Variants in CAMSAP1 observed in about 807,000 individuals in gnomAD.
The protein encoded by CAMSAP1 is calmodulin regulated spectrin associated protein 1, also known as calmodulin-regulated spectrin-associated protein 1.
Under a neutral mutation model 143.5 loss-of-function variants are expected in CAMSAP1, and 58 were observed. That is an observed-to-expected ratio of 0.40 (90% CI 0.33 to 0.50). The LOEUF is 0.50. Ranked by LOEUF, CAMSAP1 falls within the 20% of genes least tolerant of loss-of-function variation. The pLI, the probability that CAMSAP1 is intolerant of heterozygous loss-of-function variation, is 0.45. For missense variants in CAMSAP1, 1,969 were observed against 2,115.7 expected (o/e 0.93, Z 1.36); for synonymous variants, 945 against 859.3 (o/e 1.10, Z -1.74).
rs774028626 is a variant in CAMSAP1, at chr9:135,818,638, A to ACACT, written c.3960-26_3960-23dup. 120 of 1,608,200 alleles carry ACACT rather than the reference A, an allele frequency of 7.5e-5. No individual in the cohort carries two copies. Among genetic ancestry groups the ACACT allele is most frequent in the Non-Finnish European group, 3.4e-6 (4 of 1,176,762 alleles). ...GCGCCTGAGAGAAACACACGCCCAGACACTGCTCGGTCACGGGGCTTCTTC... is the reference window on the plus strand; with the variant it reads ...GCGCCTGAGAGAAACACACGCCCAGACACTCACTGCTCGGTCACGGGGCTTCTTC... On this transcript the variant is annotated intron_variant, in intron 12 of 16. Coordinates refer to ENST00000389532, the MANE Select transcript of CAMSAP1 (RefSeq NM_015447.4). The surrounding 1 kb of genome is among the most constrained non-coding windows in gnomAD (Gnocchi z 7.7).
At chr9:135,827,324 G>T (rs1588450412) in intron 8 of CAMSAP1, 83 bp downstream of exon 8, 1 of 1,293,200 alleles carries the variant, frequency 7.7e-7, no homozygotes, top group Non-Finnish European at 1.0e-6. Flanking sequence ...TTTAAAAAAG[G>T]TAACTTCAAT....
intron 7 of CAMSAP1, among the ~76,000 whole-genome samples, chr9:135,847,053 T>C (rs943294734): frequency 6.6e-6 from 1 of 152,066 alleles, no homozygotes; most frequent in Non-Finnish European, 1.5e-5. Flanking sequence ...GGATTATAAA[T>C]CATCCTACTA....
intron 4 of CAMSAP1, chr9:135,865,500 T>C (rs1837343253): frequency 4.0e-6 from 3 of 748,122 alleles, no homozygotes; most frequent in East Asian, 2.7e-5. Flanking sequence ...CAAAGTCTTC[T>C]AAGTGTACGT....
intron 5 of CAMSAP1, among the ~76,000 whole-genome samples, chr9:135,856,528 G>A (rs561040750): frequency 9.2e-5 from 14 of 152,224 alleles, no homozygotes; most frequent in East Asian, 5.8e-4. Context: ...CTGTGGCCTC[G>A]GTAAGAGAAC....
chr9:135,888,564 T>C (rs1029594249), intron 1 of CAMSAP1, among the ~76,000 whole-genome samples: 4 of 152,104 alleles, frequency 2.6e-5, no homozygotes, highest in Non-Finnish European at 5.9e-5. Context: ...CTGTTGCTTG[T>C]CTGAGCCACC....
At chr9:135,905,144 C>G (rs1838737755) in intron 1 of CAMSAP1, among the ~76,000 whole-genome samples, 5 of 152,148 alleles carry the variant, frequency 3.3e-5, no homozygotes, top group African/African-American at 1.2e-4. Flanking sequence ...TTCCAGAACT[C>G]AAAAGCCCAT....
chr9:135,860,049 A>AAT (rs1554795197), intron 5 of CAMSAP1, among the ~76,000 whole-genome samples: 1 of 150,226 alleles, frequency 6.7e-6, no homozygotes, highest in Non-Finnish European at 1.5e-5. Context: ...CACAAAAAAA[A>AAT]AAAAAATAAA....
chr9:135,888,051 G>A (rs563655187), intron 1 of CAMSAP1, among the ~76,000 whole-genome samples: 11 of 152,238 alleles, frequency 7.2e-5, no homozygotes, highest in Admixed American at 2.6e-4. Context: ...GGCAACTGAC[G>A]GAGAGCAGGA....
At chr9:135,877,491 T>C (rs1268373836) in intron 3 of CAMSAP1, among the ~76,000 whole-genome samples, 3 of 135,564 alleles carry the variant, frequency 2.2e-5, no homozygotes, top group Non-Finnish European at 4.6e-5. Context: ...TCAGTAGAGC[T>C]GTCTTAAAAA....
rs185272015 is a variant in CAMSAP1, at chr9:135,903,035, A to C, written c.160+3965T>G. Among the ~76,000 whole-genome samples, 17 of 152,320 alleles carry C rather than the reference A, an allele frequency of 1.1e-4. No homozygotes were observed. In the East Asian group the frequency reaches 2.3e-3, roughly 21 times the overall value. On this transcript the variant is annotated intron_variant, in intron 1 of 16. Transcript: ENST00000389532. ...GGGTTGTTTTTTAACATTGTCCTTG[A>C]GAGATAATAAAAGCTTGCTCTCCAC...
chr9:135,833,302 C>T (rs1006875014), intron 7 of CAMSAP1, among the ~76,000 whole-genome samples: 1 of 151,988 alleles, frequency 6.6e-6, no homozygotes, highest in African/African-American at 2.4e-5. Context: ...GGGATGGTCT[C>T]GATCTCCTGA....
chr9:135,860,266 G>T (rs1316335682), intron 5 of CAMSAP1, among the ~76,000 whole-genome samples: 6 of 150,280 alleles, frequency 4.0e-5, no homozygotes, highest in South Asian at 2.1e-4. Context: ...AAAGCATCCA[G>T]AACTCAGCAG....
At chr9:135,850,070 G>C in intron 7 of CAMSAP1, 67 bp downstream of exon 7, 1 of 1,270,752 alleles carries the variant, frequency 7.9e-7, no homozygotes, top group Admixed American at 2.4e-5. Flanking sequence ...AACCACTGGA[G>C]AGTGCTTTCT....
intron 5 of CAMSAP1, among the ~76,000 whole-genome samples, chr9:135,851,298 C>G (rs1836775639): frequency 6.6e-6 from 1 of 152,122 alleles, no homozygotes; most frequent in South Asian, 2.1e-4. Flanking sequence ...AAGGAAAAAA[C>G]CATTTTCAAG....
intron 1 of CAMSAP1, among the ~76,000 whole-genome samples, chr9:135,883,842 A>C (rs1193908224): frequency 6.6e-6 from 1 of 152,220 alleles, no homozygotes; most frequent in Non-Finnish European, 1.5e-5. Context: ...GGAGGCAGAG[A>C]CCAGCCTGAA....
At position 135,809,576 on chromosome 9, in the gene CAMSAP1, C is replaced by A. The variant is rs1834967745; in HGVS notation, c.*1733G>T. 1 of 152,608 alleles carries A rather than the reference C, an allele frequency of 6.6e-6. No individual in the cohort carries two copies. The highest frequency in any genetic ancestry group is 2.1e-4 in the South Asian group (1 of 4,832). 9.5% of individuals were successfully genotyped at this position (152,608 alleles called of 1,614,324 possible). ...CCACAGCAACCTCACACATACGATT[C>A]AATGTAAAGCAAATTAGTTCATCAC... On this transcript the variant is annotated 3_prime_UTR_variant, in exon 17 of 17. Coordinates refer to ENST00000389532, the MANE Select transcript of CAMSAP1 (RefSeq NM_015447.4).
intron 1 of CAMSAP1, among the ~76,000 whole-genome samples, chr9:135,895,444 A>C (rs1221869587): frequency 6.6e-6 from 1 of 152,250 alleles, no homozygotes; most frequent in Non-Finnish European, 1.5e-5. Flanking sequence ...TGCTGAAGGA[A>C]AAGAACTGTC....
Position 135,809,378 on chromosome 9 carries a change from C to G in CAMSAP1, c.*1931G>C, listed in dbSNP as rs544016147. 1.3e-5 allele frequency: 2 copies of G among 152,260 alleles called. No homozygotes were observed. The highest frequency in any genetic ancestry group is 4.2e-4 in the South Asian group (2 of 4,814). 9.4% of individuals were successfully genotyped at this position (152,260 alleles called of 1,614,324 possible). On this transcript the variant is annotated 3_prime_UTR_variant, in exon 17 of 17. Transcript: ENST00000389532. Reference sequence around the variant, plus strand: ...ACTGACTCATTCCATGGAGAAAATCCAGAATTGATTCAGACGTCCCATGGG... The same window carrying G: ...ACTGACTCATTCCATGGAGAAAATCGAGAATTGATTCAGACGTCCCATGGG...
rs1838009442 is a variant in CAMSAP1, at chr9:135,882,984, G to A, written c.255C>T (p.Ser85=). The change falls in exon 2 of 17, where the codon AGC becomes AGT. Residue 85 remains serine (S), a synonymous_variant. Coordinates refer to ENST00000389532, the MANE Select transcript of CAMSAP1 (RefSeq NM_015447.4). This position sits in a 1 kb window ranked among gnomAD's most constrained non-coding sequence, Gnocchi z 4.9. Reference sequence around the variant, plus strand: ...GGCTGCAGACACGGCAGTACAGCTCGCTGGACAGGAGAAGCTTGATAACAG... The same window carrying A: ...GGCTGCAGACACGGCAGTACAGCTCACTGGACAGGAGAAGCTTGATAACAG... ...KPPVIKLLLS[S]ELYCRVCSLI... is the part of the protein sequence containing the mutation. The A allele has an allele frequency of 9.7e-6, 15 of 1,551,730 alleles. No individual in the cohort carries two copies. The highest frequency in any genetic ancestry group is 1.4e-5 in the African/African-American group (1 of 73,170).
Sources: gnomAD v4.1 joint callset for allele counts (sites outside exome capture counted in the v4.1 genomes callset) on GRCh38, gnomAD v4.1.1 for gene constraint, Gnocchi (gnomAD v3.1) non-coding constraint, MANE v1.5 for transcripts, NCBI Gene and HGNC (gene_info 2026-07-23, HGNC 2026-07-21) for gene names.